Variants in TMEM178B observed in about 807,000 individuals in gnomAD.
TMEM178B encodes the protein transmembrane protein 178B.
In TMEM178B, 5 loss-of-function variants were observed where a neutral mutation model predicts 31.0. The observed-to-expected ratio is 0.16, with a 90% CI of 0.08 to 0.34. The LOEUF is 0.34. TMEM178B is among the 10% of genes least tolerant of loss of function. The pLI is 1.00. For missense variants in TMEM178B, 275 were observed against 400.3 expected, an observed-to-expected ratio of 0.69 and a Z score of 2.67; for synonymous variants, 164 against 164.0, an observed-to-expected ratio of 1.00 and a Z score of 0.00.
intron 2 of TMEM178B, among the ~76,000 whole-genome samples, chr7:141,390,288 T>A (rs1800511574): frequency 6.6e-6 from 1 of 152,224 alleles, no homozygotes; most frequent in Non-Finnish European, 1.5e-5. Context: ...TGGCTCTGTG[T>A]TACTCTTTTA....
In TMEM178B at chr7:141,074,411, C is replaced by T. The variant is rs2129170014; in HGVS notation, c.101C>T (p.Thr34Met). Reference sequence around the variant, plus strand: ...ATCTGCTCGGACCACTGGTACGAGACGGACGCCAGGAAGCACAGGGACAGG... The same window carrying T: ...ATCTGCTCGGACCACTGGTACGAGATGGACGCCAGGAAGCACAGGGACAGG... ...VAICSDHWYE[T>M]DARKHRDRCK... is the part of the protein sequence containing the mutation. Residue 34 changes from threonine to methionine, a missense_variant, in exon 1 of 4, where the codon ACG becomes ATG. Transcript: ENST00000565468. This position sits in a 1 kb window ranked among gnomAD's most constrained non-coding sequence, Gnocchi z 5.1. 1 of 1,536,148 alleles carries T rather than the reference C, an allele frequency of 6.5e-7. No individual in the cohort carries two copies. Among genetic ancestry groups the T allele is most frequent in the East Asian group, 2.4e-5 (1 of 40,912 alleles).
chr7:141,315,741 C>G (rs1160803874), intron 2 of TMEM178B, among the ~76,000 whole-genome samples: 1 of 152,128 alleles, frequency 6.6e-6, no homozygotes, highest in Non-Finnish European at 1.5e-5. Context: ...CGCTTATTAC[C>G]TGGTACAGAG....
chr7:141,218,058 G>T (rs182509589), intron 2 of TMEM178B, among the ~76,000 whole-genome samples: 366 of 151,480 alleles, frequency 2.4e-3, no homozygotes, highest in African/African-American at 8.3e-3. Flanking sequence ...TTTCCCCTCC[G>T]AGACTTCCCT....
intron 2 of TMEM178B, among the ~76,000 whole-genome samples, chr7:141,322,550 A>C (rs1205344874): frequency 6.6e-6 from 1 of 152,126 alleles, no homozygotes; most frequent in Non-Finnish European, 1.5e-5. Flanking sequence ...TCAATCAATC[A>C]AACAAACAAA....
chr7:141,377,601 G>T (rs994285412), intron 2 of TMEM178B, among the ~76,000 whole-genome samples: 2 of 151,966 alleles, frequency 1.3e-5, no homozygotes, highest in African/African-American at 4.8e-5. Flanking sequence ...AACCCAGGAG[G>T]TGGAAGTTGC....
At chr7:141,285,268 A>C (rs376253699) in intron 2 of TMEM178B, among the ~76,000 whole-genome samples, 6 of 144,108 alleles carry the variant, frequency 4.2e-5, no homozygotes, top group Non-Finnish European at 9.0e-5. Context: ...CTCCTGCCTC[A>C]GCCTCCCGAG....
At chr7:141,443,782 A>C (rs896544519) in intron 3 of TMEM178B, among the ~76,000 whole-genome samples, 2 of 152,172 alleles carry the variant, frequency 1.3e-5, no homozygotes, top group African/African-American at 2.4e-5. Context: ...TAGCTATCTA[A>C]TTTGGAATTC....
intron 2 of TMEM178B, among the ~76,000 whole-genome samples, chr7:141,328,584 G>A (rs57990095): frequency 0.092 from 14,031 of 152,158 alleles, 1,380 homozygotes; most frequent in African/African-American, 0.25. Flanking sequence ...GTGAGTCCTC[G>A]CACTGGTTTG....
rs1047489992 is a variant in TMEM178B at position 141,084,090 on chromosome 7, C to T, written c.382+9398C>T. ...AAAGTGCTGGGATTACAGGTATAAG[C>T]CACCACGCCCAGCCTATTCAGCACA... is the stretch of plus-strand genomic sequence containing the variant. On this transcript the variant is annotated intron_variant, in intron 1 of 3. Transcript: ENST00000565468. Among the ~76,000 whole-genome samples the T allele has an allele frequency of 3.3e-5, 5 of 152,162 alleles. No individual in the cohort carries two copies. In the South Asian group the frequency reaches 1.0e-3, roughly 32 times the overall value.
chr7:141,297,611 T>G (rs1416479107), intron 2 of TMEM178B, among the ~76,000 whole-genome samples: 2 of 152,136 alleles, frequency 1.3e-5, no homozygotes, highest in African/African-American at 4.8e-5. Context: ...GTGGTGTTTG[T>G]TTTTCTGTCC....
At chr7:141,431,362 T>A (rs1258762987) in intron 2 of TMEM178B, 3 of 152,168 alleles carry the variant, frequency 2.0e-5, no homozygotes, top group African/African-American at 7.2e-5. Context: ...AATAGGAGTG[T>A]AAACTTCAAA....
chr7:141,195,403 CA>C (rs1210503134), intron 1 of TMEM178B, among the ~76,000 whole-genome samples: 1 of 152,202 alleles, frequency 6.6e-6, no homozygotes, highest in Non-Finnish European at 1.5e-5. Flanking sequence ...ATCTCTCAGG[CA>C]GGGCCAAAAT....
chr7:141,402,410 CT>C lies in TMEM178B; in HGVS notation c.497-35197del, dbSNP rs553909040. Among the ~76,000 whole-genome samples, 15 of 152,294 alleles carry C rather than the reference CT, an allele frequency of 9.8e-5. No individual in the cohort carries two copies. The East Asian group carries it at 2.9e-3, about 29-fold the overall frequency. The stretch of plus-strand genomic sequence containing the variant: ...CTTTCATAACTGCCTTCCTCCTTCC[CT>C]CCCCCTGCTGCTCATTCCTGCTAAC... On this transcript the variant is annotated intron_variant, in intron 2 of 3. Transcript: ENST00000565468.
intron 2 of TMEM178B, among the ~76,000 whole-genome samples, chr7:141,254,937 C>T (rs749082119): frequency 3.3e-5 from 5 of 152,162 alleles, no homozygotes; most frequent in Non-Finnish European, 5.9e-5. Flanking sequence ...AATAATTTTT[C>T]ACTTCACAAT....
intron 2 of TMEM178B, among the ~76,000 whole-genome samples, chr7:141,427,717 A>T (rs1801346165): frequency 6.6e-6 from 1 of 152,206 alleles, no homozygotes; most frequent in African/African-American, 2.4e-5. Context: ...GGATCAAACT[A>T]AAAAGCTTCT....
chr7:141,499,395 A>G, the TMEM178B span, among the ~76,000 whole-genome samples: 1 of 146,312 alleles, frequency 6.8e-6, no homozygotes, highest in Admixed American at 7.0e-5. Context: ...TGGGAGGCCA[A>G]GGTGGGAGGA....
intron 2 of TMEM178B, among the ~76,000 whole-genome samples, chr7:141,432,483 T>C (rs1007545781): frequency 6.6e-6 from 1 of 152,216 alleles, no homozygotes; most frequent in South Asian, 2.1e-4. Context: ...CCCACTCTAC[T>C]GTGTGCGTTT....
At position 141,327,513 on chromosome 7, in the gene TMEM178B, G is replaced by T. The variant is rs111574628; in HGVS notation, c.497-110095G>T. On this transcript the variant is annotated intron_variant, in intron 2 of 3. Transcript: ENST00000565468. Reference sequence around the variant, plus strand: ...CTCAAAGTCTATAGTTTATATTTGGGTTCACTTTTGATGTTATAGATTTCA... The same window carrying T: ...CTCAAAGTCTATAGTTTATATTTGGTTTCACTTTTGATGTTATAGATTTCA... Among the ~76,000 whole-genome samples the T allele has an allele frequency of 5.1e-3, 774 of 152,126 alleles. 12 individuals carry two copies. The highest frequency in any genetic ancestry group is 0.018 in the African/African-American group (731 of 41,512).
chr7:141,287,732 A>G (rs1423844091), intron 2 of TMEM178B, among the ~76,000 whole-genome samples: 1 of 152,210 alleles, frequency 6.6e-6, no homozygotes, highest in African/African-American at 2.4e-5. Flanking sequence ...CCCCACCTTC[A>G]GTGCTGGGCA....
Sources: gnomAD v4.1 joint callset for allele counts (sites outside exome capture counted in the v4.1 genomes callset) on GRCh38, gnomAD v4.1.1 for gene constraint, Gnocchi (gnomAD v3.1) non-coding constraint, MANE v1.5 for transcripts, NCBI Gene and HGNC (gene_info 2026-07-23, HGNC 2026-07-21) for gene names.